Variants in CACNA1C observed in about 807,000 individuals in gnomAD.
CACNA1C encodes the protein voltage-dependent L-type calcium channel subunit alpha-1C.
Under a neutral mutation model 229.0 loss-of-function variants are expected in CACNA1C, and 30 were observed. That is an observed-to-expected ratio of 0.13 (90% CI 0.10 to 0.18). The LOEUF (loss-of-function observed/expected upper bound fraction) is 0.18, where lower values mean the gene tolerates loss of function less well. Ranked by LOEUF, CACNA1C falls within the 10% of genes least tolerant of loss-of-function variation. The pLI, the probability that CACNA1C is intolerant of heterozygous loss-of-function variation, is 1.00. For synonymous variants in CACNA1C, 1,114 were observed against 1,132.5 expected, an observed-to-expected ratio of 0.98 and a Z score of 0.33; for missense variants, 1,658 against 2,845.0, an observed-to-expected ratio of 0.58 and a Z score of 9.49.
chr12:2,086,802 C>G (rs1460967608), intron 1 of CACNA1C, among the ~76,000 whole-genome samples: 2 of 152,228 alleles, frequency 1.3e-5, no homozygotes, highest in East Asian at 3.8e-4. Flanking sequence ...CCGGCCTGGA[C>G]TAGCACACCA....
intron 45 of CACNA1C, 37 bp downstream of exon 45, chr12:2,686,306 C>T (rs781065434): frequency 6.9e-6 from 10 of 1,452,504 alleles, no homozygotes; most frequent in Admixed American, 1.7e-5. Flanking sequence ...TGTCACCTGC[C>T]AGCAGGCCAG....
intron 1 of CACNA1C, among the ~76,000 whole-genome samples, chr12:2,088,197 G>A (rs977656980): frequency 1.3e-5 from 2 of 152,204 alleles, no homozygotes; most frequent in African/African-American, 4.8e-5. Context: ...CCGTATGCTG[G>A]TTCTTTGGTT....
In CACNA1C at chr12:2,605,670, C is replaced by T. The variant is rs1291891558; in HGVS notation, c.3049-9C>T. On this transcript the variant is annotated splice_polypyrimidine_tract_variant and intron_variant, in intron 23 of 46. Transcript: ENST00000399655. This position sits in a 1 kb window ranked among gnomAD's most constrained non-coding sequence, Gnocchi z 6.2. Reference sequence around the variant, plus strand: ...GCCACGTCCCTCTCCCCGTCCCTTCCCACTGCAGCATGTGGTTCAGTGTGT... The same window carrying T: ...GCCACGTCCCTCTCCCCGTCCCTTCTCACTGCAGCATGTGGTTCAGTGTGT... 2.5e-6 allele frequency: 4 copies of T among 1,604,666 alleles called. No individual in the cohort carries two copies. The South Asian group carries it at 3.3e-5, about 13-fold the overall frequency.
At chr12:2,179,903 C>T (rs2096781249) in intron 3 of CACNA1C, among the ~76,000 whole-genome samples, 1 of 152,252 alleles carries the variant, frequency 6.6e-6, no homozygotes, top group Non-Finnish European at 1.5e-5. Flanking sequence ...TTCTACCATG[C>T]TCTTTCTCTG....
In CACNA1C at chr12:2,691,363, C is replaced by T. The variant is rs2153893196; in HGVS notation, c.*164C>T. 2.7e-6 allele frequency: 2 copies of T among 747,402 alleles called. No homozygotes were observed. The highest frequency in any genetic ancestry group is 3.3e-5 in the East Asian group (1 of 29,980). The allele number at this position is 747,402 out of a possible 1,614,324, so 46.3% of individuals were successfully genotyped here. ...GAGCCTGGGTGCGCGAGCCGCCCTCCGGGAGGAAGGCGCCCGGCTGCGTCT... is the reference window on the plus strand; with the variant it reads ...GAGCCTGGGTGCGCGAGCCGCCCTCTGGGAGGAAGGCGCCCGGCTGCGTCT... On this transcript the variant is annotated 3_prime_UTR_variant, in exon 47 of 47. Transcript: ENST00000399655.
At chr12:2,291,268 G>A (rs1003385114) in intron 3 of CACNA1C, among the ~76,000 whole-genome samples, 1 of 152,168 alleles carries the variant, frequency 6.6e-6, no homozygotes, top group Non-Finnish European at 1.5e-5. Flanking sequence ...TAATGACGGG[G>A]ACTTAAAATC....
chr12:2,343,670 G>A (rs889741458), intron 3 of CACNA1C, among the ~76,000 whole-genome samples: 2 of 152,232 alleles, frequency 1.3e-5, no homozygotes, highest in East Asian at 1.9e-4. Context: ...TTCAGTAAGA[G>A]TGGGGGCTGG....
chr12:2,391,920 C>T (rs1341751341), intron 3 of CACNA1C, among the ~76,000 whole-genome samples: 1 of 152,228 alleles, frequency 6.6e-6, no homozygotes, highest in Non-Finnish European at 1.5e-5. Context: ...TGCCACGTGG[C>T]TGGTGGCCAC....
chr12:2,058,698 G>A (rs143813965), intron 1 of CACNA1C, among the ~76,000 whole-genome samples: 40 of 152,224 alleles, frequency 2.6e-4, no homozygotes, highest in Admixed American at 2.0e-3. Flanking sequence ...TAGATACCAC[G>A]TAAAACAAGT....
intron 1 of CACNA1C, among the ~76,000 whole-genome samples, chr12:2,014,267 T>A (rs976144222): frequency 1.7e-5 from 2 of 119,382 alleles, no homozygotes; most frequent in African/African-American, 4.0e-5. Flanking sequence ...GTCAGAAAAA[T>A]AGGCATCTTT....
At chr12:2,286,517 C>G (rs1348215366) in intron 3 of CACNA1C, among the ~76,000 whole-genome samples, 3 of 152,142 alleles carry the variant, frequency 2.0e-5, no homozygotes, top group South Asian at 2.1e-4. Context: ...GGCCCAGCAC[C>G]CAGCTGCTTT....
intron 1 of CACNA1C, among the ~76,000 whole-genome samples, chr12:2,003,385 T>C (rs1180810146): frequency 1.3e-5 from 2 of 152,256 alleles, no homozygotes; most frequent in Non-Finnish European, 2.9e-5. Context: ...TTGTAACTTA[T>C]TTTAAAATGA....
Position 2,354,413 on chromosome 12 carries a change from A to C in CACNA1C, c.478-94563A>C, listed in dbSNP as rs2097295480. On this transcript the variant is annotated intron_variant, in intron 3 of 46. Transcript: ENST00000399655. This position sits in a 1 kb window ranked among gnomAD's most constrained non-coding sequence, Gnocchi z 4.6. ...AATCTTTCTTTAGAGGAGCGAAAACACAGCTAGCCAGGGCTGCAGCTATGA... is the reference window on the plus strand; with the variant it reads ...AATCTTTCTTTAGAGGAGCGAAAACCCAGCTAGCCAGGGCTGCAGCTATGA... 6.6e-6 allele frequency among the ~76,000 whole-genome samples: 1 copy of C among 152,160 alleles called. No individual in the cohort carries two copies. The highest frequency in any genetic ancestry group is 2.1e-4 in the South Asian group (1 of 4,822).
intron 1 of CACNA1C, among the ~76,000 whole-genome samples, chr12:2,104,540 T>C (rs2077490290): frequency 6.6e-6 from 1 of 152,214 alleles, no homozygotes; most frequent in Non-Finnish European, 1.5e-5. Context: ...ACTTCCTCTG[T>C]TTGTATTTGA....
chr12:2,666,337 T>A lies in CACNA1C; in HGVS notation c.4527-349T>A, dbSNP rs1019422708. Among the ~76,000 whole-genome samples the A allele has an allele frequency of 6.6e-6, 1 of 152,208 alleles. No homozygotes were observed. The highest frequency in any genetic ancestry group is 1.5e-5 in the Non-Finnish European group (1 of 68,032). On this transcript the variant is annotated intron_variant, in intron 36 of 46. Transcript: ENST00000399655. This position sits in a 1 kb window ranked among gnomAD's most constrained non-coding sequence, Gnocchi z 5.3. ...TCCATTCCCGCTTCTGGTCTAAAGATCAATCACATTCGGCTGACCCTCAGT... is the reference window on the plus strand; with the variant it reads ...TCCATTCCCGCTTCTGGTCTAAAGAACAATCACATTCGGCTGACCCTCAGT...
chr12:2,653,989 CCCTTCTCCCTT>C lies in CACNA1C; in HGVS notation c.4140+90_4140+100del. 3 of 1,019,728 alleles carry C rather than the reference CCCTTCTCCCTT, an allele frequency of 2.9e-6. No homozygotes were observed. The highest frequency in any genetic ancestry group is 2.0e-4 in the Middle Eastern group (1 of 4,914). 63.2% of individuals were successfully genotyped at this position (1,019,728 alleles called of 1,614,324 possible). A position where few individuals can be genotyped will look rare whatever the true frequency, so the allele number is the denominator to read the frequency against. ...CACATTCCCTAACGCCTTCCTCCCT[CCCTTCTCCCTT>C]TCATTCCTGACTGTCCCTCTCCCTC... On this transcript the variant is annotated intron_variant, in intron 33 of 46. Transcript: ENST00000399655. This position sits in a 1 kb window ranked among gnomAD's most constrained non-coding sequence, Gnocchi z 4.7.
At chr12:2,397,273 CT>C (rs1444679282) in intron 3 of CACNA1C, among the ~76,000 whole-genome samples, 1 of 152,206 alleles carries the variant, frequency 6.6e-6, no homozygotes, top group Non-Finnish European at 1.5e-5. Flanking sequence ...TTTTGTTTGG[CT>C]TTTTGCTTGT....
intron 1 of CACNA1C, among the ~76,000 whole-genome samples, chr12:1,976,727 C>T (rs980212439): frequency 6.6e-6 from 1 of 151,722 alleles, no homozygotes; most frequent in Non-Finnish European, 1.5e-5. Flanking sequence ...ATCCCTAAAA[C>T]TATATGCAAA....
At chr12:2,004,404 C>G in intron 1 of CACNA1C, 1 of 1,611,616 alleles carries the variant, frequency 6.2e-7, no homozygotes, top group South Asian at 1.1e-5. Context: ...CCCTTTCCCA[C>G]CAGGCCGCCT....
Sources: gnomAD v4.1 joint callset for allele counts (sites outside exome capture counted in the v4.1 genomes callset) on GRCh38, gnomAD v4.1.1 for gene constraint, Gnocchi (gnomAD v3.1) non-coding constraint, MANE v1.5 for transcripts, NCBI Gene and HGNC (gene_info 2026-07-23, HGNC 2026-07-21) for gene names.